The following STK3 variants were observed in gnomAD, a reference collection of about 807,000 sequenced individuals.
STK3 encodes serine/threonine-protein kinase 3.
In STK3, 41 loss-of-function variants were observed where a neutral mutation model predicts 58.0. That is an observed-to-expected ratio of 0.71 (90% CI 0.55 to 0.92). The LOEUF (loss-of-function observed/expected upper bound fraction) is 0.92, where lower values mean the gene tolerates loss of function less well. STK3 is among the 40% of genes least tolerant of loss of function. The pLI, the probability that STK3 is intolerant of heterozygous loss-of-function variation, is 0.00. For synonymous variants in STK3, 170 were observed against 191.0 expected, an observed-to-expected ratio of 0.89 and a Z score of 0.91; for missense variants, 479 against 602.7, an observed-to-expected ratio of 0.79 and a Z score of 2.15.
chr8:98,350,595 A>G, the STK3 span, among the ~76,000 whole-genome samples: 1 of 152,262 alleles, frequency 6.6e-6, no homozygotes, highest in South Asian at 2.1e-4. Flanking sequence ...TACAAAAGAA[A>G]GAGGTTTAAT....
chr8:98,678,575 T>C (rs1187385331), intron 6 of STK3, among the ~76,000 whole-genome samples: 1 of 152,142 alleles, frequency 6.6e-6, no homozygotes, highest in Non-Finnish European at 1.5e-5. Context: ...ATTATTTCAC[T>C]TTAGCAATTT....
At chr8:98,569,237 T>C (rs539273640) in intron 8 of STK3, among the ~76,000 whole-genome samples, 25 of 152,052 alleles carry the variant, frequency 1.6e-4, no homozygotes, top group African/African-American at 4.3e-4. Flanking sequence ...CGGTCAGATA[T>C]GCAATGACTG....
chr8:98,692,873 G>A (rs1824512465), intron 6 of STK3, among the ~76,000 whole-genome samples: 1 of 151,994 alleles, frequency 6.6e-6, no homozygotes, highest in Non-Finnish European at 1.5e-5. Context: ...TATGGGGAGT[G>A]TAGTGAGTTG....
At chr8:98,926,394 A>G (rs180952379) in intron 1 of STK3, among the ~76,000 whole-genome samples, 1 of 152,338 alleles carries the variant, frequency 6.6e-6, no homozygotes, top group Non-Finnish European at 1.5e-5. Context: ...CTAGTTGTCT[A>G]TTAATGCAAA....
chr8:98,533,678 T>C (rs1809513695), intron 9 of STK3, among the ~76,000 whole-genome samples: 1 of 152,152 alleles, frequency 6.6e-6, no homozygotes, highest in African/African-American at 2.4e-5. Context: ...TTTGTAGAGA[T>C]GAGGTCTTAC....
At chr8:98,695,781 T>C (rs1824859367) in intron 6 of STK3, among the ~76,000 whole-genome samples, 2 of 152,194 alleles carry the variant, frequency 1.3e-5, no homozygotes, top group South Asian at 2.1e-4. Context: ...GCCTTGTAGT[T>C]TGAAGTCAGG....
At chr8:98,711,153 AC>A (rs1826393938) in intron 4 of STK3, among the ~76,000 whole-genome samples, 1 of 152,184 alleles carries the variant, frequency 6.6e-6, no homozygotes, top group Non-Finnish European at 1.5e-5. Flanking sequence ...ATCATCAAAG[AC>A]CAAAGGTAGA....
rs1817024399 is a variant in STK3, at chr8:98,609,585, A to C, written c.685-13416T>G. The stretch of plus-strand genomic sequence containing the variant: ...ACAAAAAATAAGAAGACAGTACAAA[A>C]ACATCAATAAAATAGATTGAAAAAT... On this transcript the variant is annotated intron_variant, in intron 6 of 10. Coordinates refer to ENST00000419617, the MANE Select transcript of STK3 (RefSeq NM_006281.4). Among the ~76,000 whole-genome samples, 4 of 152,326 alleles carry C rather than the reference A, an allele frequency of 2.6e-5. No individual in the cohort carries two copies. In the South Asian group the frequency reaches 6.2e-4, roughly 24 times the overall value.
intron 8 of STK3, among the ~76,000 whole-genome samples, chr8:98,553,939 A>G (rs989513013): frequency 5.9e-5 from 9 of 151,626 alleles, no homozygotes; most frequent in African/African-American, 1.9e-4. Context: ...AGACAGAGTG[A>G]GACTCCATCC....
At chr8:98,725,390 G>A (rs1448028572) in intron 4 of STK3, among the ~76,000 whole-genome samples, 1 of 151,966 alleles carries the variant, frequency 6.6e-6, no homozygotes, top group African/African-American at 2.4e-5. Context: ...TGTATTATTT[G>A]AAATTTTTAC....
In STK3 at chr8:98,692,080, T is replaced by A. The variant is rs532354394; in HGVS notation, c.684+14387A>T. ...ATCAAAATCACAATGAGATGCCACT[T>A]CACTCCCATTACTATGGCCATTAGC... On this transcript the variant is annotated intron_variant, in intron 6 of 10. Coordinates refer to ENST00000419617, the MANE Select transcript of STK3 (RefSeq NM_006281.4). Among the ~76,000 whole-genome samples the A allele has an allele frequency of 2.0e-5, 3 of 152,310 alleles. No individual in the cohort carries two copies. In the East Asian group the frequency reaches 5.8e-4, roughly 29 times the overall value.
chr8:98,772,706 T>C (rs2131475241), intron 2 of STK3, among the ~76,000 whole-genome samples: 1 of 152,002 alleles, frequency 6.6e-6, no homozygotes, highest in East Asian at 1.9e-4. Flanking sequence ...CAAAAAAATT[T>C]TAAAATAAAA....
At chr8:98,855,678 A>G (rs948413591) in intron 3 of STK3, among the ~76,000 whole-genome samples, 3 of 152,182 alleles carry the variant, frequency 2.0e-5, no homozygotes, top group African/African-American at 7.2e-5. Context: ...GTCAACATTA[A>G]GAACTTTTGT....
chr8:98,400,281 G>A (rs187920907), downstream of STK3, among the ~76,000 whole-genome samples: 1 of 152,336 alleles, frequency 6.6e-6, no homozygotes, highest in Non-Finnish European at 1.5e-5. Flanking sequence ...GAGCAAGCCC[G>A]TGAGCCCTGG....
At chr8:98,918,206 G>A (rs1341869271) in intron 1 of STK3, among the ~76,000 whole-genome samples, 8 of 152,140 alleles carry the variant, frequency 5.3e-5, no homozygotes, top group Admixed American at 2.6e-4. Context: ...TTGCTTGCTC[G>A]ATAGTGGGTG....
chr8:98,383,949 G>T (rs1315602396), intron 1 of STK3, among the ~76,000 whole-genome samples: 1 of 152,164 alleles, frequency 6.6e-6, no homozygotes, highest in African/African-American at 2.4e-5. Flanking sequence ...GCTCTAAGAT[G>T]GATTCTCCTC....
Position 98,825,527 on chromosome 8 carries a change from G to A in STK3, c.14C>T (p.Pro5Leu). 1.4e-6 allele frequency: 2 copies of A among 1,456,690 alleles called. No individual in the cohort carries two copies. The highest frequency in any genetic ancestry group is 1.8e-6 in the Non-Finnish European group (2 of 1,099,234). 90.2% of individuals were successfully genotyped at this position (1,456,690 alleles called of 1,614,324 possible). The change falls in exon 1 of 11, where the codon CCG becomes CTG. Residue 5 changes from proline to leucine, a missense_variant. Coordinates refer to ENST00000419617, the MANE Select transcript of STK3 (RefSeq NM_006281.4). The stretch of plus-strand genomic sequence containing the variant: ...CCCGATTCGTTACCTCTTAGGCGCC[G>A]GCGGCTGCTCCATGGCGGCCGGGGA... MEQPPAPKSKLKKLS... is the reference protein window; with the variant it reads MEQPLAPKSKLKKLS...
At chr8:98,695,364 G>C (rs1260620448) in intron 6 of STK3, among the ~76,000 whole-genome samples, 1 of 152,078 alleles carries the variant, frequency 6.6e-6, no homozygotes, top group South Asian at 2.1e-4. Context: ...GATCCCATTT[G>C]TCAATTTTGG....
intron 6 of STK3, among the ~76,000 whole-genome samples, chr8:98,615,125 G>A (rs543112169): frequency 4.7e-4 from 72 of 151,942 alleles, no homozygotes; most frequent in African/African-American, 1.7e-3. Context: ...AGAACGGGCA[G>A]ACTACCTCCT....
Sources: gnomAD v4.1 joint callset for allele counts (sites outside exome capture counted in the v4.1 genomes callset) on GRCh38, gnomAD v4.1.1 for gene constraint, MANE v1.5 for transcripts, NCBI Gene and HGNC (gene_info 2026-07-23, HGNC 2026-07-21) for gene names.